DLGAP2: variants seen among roughly 807,000 people sequenced by gnomAD.
The protein encoded by DLGAP2 is DLG associated protein 2.
In DLGAP2, 26 loss-of-function variants were observed where a neutral mutation model predicts 100.3. The observed-to-expected ratio is 0.26, with a 90% CI of 0.19 to 0.36. The LOEUF is 0.36. Among genes scored for constraint, DLGAP2 ranks in the 10% least tolerant of loss-of-function variants. The probability of loss-of-function intolerance (pLI) is 1.00; values close to 1 mark genes in which losing one functional copy is unlikely to be tolerated. For synonymous variants in DLGAP2, 886 were observed against 630.1 expected, an observed-to-expected ratio of 1.41 and a Z score of -6.08; for missense variants, 1,858 against 1,453.2, an observed-to-expected ratio of 1.28 and a Z score of -4.53.
At chr8:1,319,447 T>C (rs1363788202) in intron 3 of DLGAP2, among the ~76,000 whole-genome samples, 1 of 152,204 alleles carries the variant, frequency 6.6e-6, no homozygotes, top group Non-Finnish European at 1.5e-5. Context: ...CCATCCTCTG[T>C]CTTCCAGCTC....
intron 3 of DLGAP2, among the ~76,000 whole-genome samples, chr8:1,278,932 A>G (rs1242103192): frequency 1.3e-5 from 2 of 152,228 alleles, no homozygotes; most frequent in African/African-American, 2.4e-5. Context: ...TGTTGAACCC[A>G]TGATGGTACA....
At chr8:1,160,743 G>A (rs961012100) in intron 2 of DLGAP2, among the ~76,000 whole-genome samples, 1 of 152,192 alleles carries the variant, frequency 6.6e-6, no homozygotes, top group African/African-American at 2.4e-5. Flanking sequence ...AAGCCACCCC[G>A]AGCCTGGCTC....
intron 3 of DLGAP2, among the ~76,000 whole-genome samples, chr8:1,284,358 A>C (rs536747980): frequency 6.6e-5 from 10 of 152,266 alleles, no homozygotes; most frequent in Admixed American, 6.5e-4. Flanking sequence ...GAATTGCTTC[A>C]GAGGAACCCA....
Position 1,548,618 on chromosome 8 carries a change from C to G in DLGAP2, c.173-8C>G. The G allele has an allele frequency of 1.3e-6, 2 of 1,491,390 alleles. No individual in the cohort carries two copies. Among genetic ancestry groups the G allele is most frequent in the Non-Finnish European group, 1.8e-6 (2 of 1,122,612 alleles). The allele number at this position is 1,491,390 out of a possible 1,614,324, so 92.4% of individuals were successfully genotyped here. A position where few individuals can be genotyped will look rare whatever the true frequency, so the allele number is the denominator to read the frequency against. The stretch of plus-strand genomic sequence containing the variant: ...CGGGTGTTCAATGCCGTTTCTGTTT[C>G]CCCACAGACCCGCAGTACTCATGGT... On this transcript the variant is annotated splice_polypyrimidine_tract_variant and splice_region_variant and intron_variant, in intron 4 of 14. Transcript: ENST00000637795.
chr8:1,669,288 G>T (rs1798627262), intron 9 of DLGAP2, among the ~76,000 whole-genome samples: 1 of 152,208 alleles, frequency 6.6e-6, no homozygotes, highest in Non-Finnish European at 1.5e-5. Context: ...GTCTACCCAT[G>T]ATATAGACGT....
At chr8:1,213,946 C>T (rs113349856) in intron 2 of DLGAP2, among the ~76,000 whole-genome samples, 2 of 152,144 alleles carry the variant, frequency 1.3e-5, no homozygotes, top group East Asian at 1.9e-4. Flanking sequence ...CTGAGGTTGA[C>T]GGTGTAATTT....
rs33910191 is a variant in DLGAP2 at position 1,287,131 on chromosome 8, C to CGTGTGTGTGTGTGT, written c.106+28262_106+28275dup. On this transcript the variant is annotated intron_variant, in intron 3 of 14. Transcript: ENST00000637795. ...AAGAGGGGAACTAGTTTCGGTTCAG[C>CGTGTGTGTGTGTGT]GTGTGTGTGTGTGTGTGTGTGTGTG... Among the ~76,000 whole-genome samples the CGTGTGTGTGTGTGT allele has an allele frequency of 2.5e-4, 34 of 136,992 alleles. 1 individual carries two copies. Among genetic ancestry groups the CGTGTGTGTGTGTGT allele is most frequent in the African/African-American group, 8.8e-4 (30 of 34,276 alleles). 89.9% of individuals were successfully genotyped at this position (136,992 alleles called of 152,430 possible).
At chr8:1,349,616 A>G (rs1246643504) in intron 3 of DLGAP2, among the ~76,000 whole-genome samples, 1 of 131,802 alleles carries the variant, frequency 7.6e-6, no homozygotes, top group African/African-American at 2.9e-5. Flanking sequence ...ACATCCACGC[A>G]TGTCATGAGC....
At chr8:1,227,447 G>C (rs185769244) in intron 2 of DLGAP2, among the ~76,000 whole-genome samples, 3 of 150,572 alleles carry the variant, frequency 2.0e-5, no homozygotes, top group Non-Finnish European at 2.9e-5. Context: ...GTCTTCACAT[G>C]TGAGATGAAT....
Position 1,005,580 on chromosome 8 carries a change from GC to G in DLGAP2, c.73+97615del, listed in dbSNP as rs577731057. 1.5e-4 allele frequency among the ~76,000 whole-genome samples: 15 copies of G among 97,700 alleles called. No homozygotes were observed. In the East Asian group the frequency reaches 3.4e-3, roughly 22 times the overall value. The allele number at this position is 97,700 out of a possible 152,430, so 64.1% of individuals were successfully genotyped here. ...TGTGCCACCATGCCCAGCTTGCCCAGCTAATTTTTTTTTTTTTTTGGTAGAG... is the reference window on the plus strand; with the variant it reads ...TGTGCCACCATGCCCAGCTTGCCCAGTAATTTTTTTTTTTTTTTGGTAGAG... On this transcript the variant is annotated intron_variant, in intron 2 of 14. Transcript: ENST00000637795.
At chr8:1,274,564 A>G (rs370576152) in intron 3 of DLGAP2, among the ~76,000 whole-genome samples, 176 of 146,456 alleles carry the variant, frequency 1.2e-3, no homozygotes, top group Non-Finnish European at 1.4e-3. Context: ...AACATAAACC[A>G]TAAAATGAGT....
rs144612891 is a variant in DLGAP2 at position 1,657,975 on chromosome 8, G to A, written c.1811-10354G>A. Among the ~76,000 whole-genome samples, 22 of 152,242 alleles carry A rather than the reference G, an allele frequency of 1.4e-4. No individual in the cohort carries two copies. In the East Asian group the frequency reaches 2.1e-3, roughly 15 times the overall value. The stretch of plus-strand genomic sequence containing the variant: ...GAAAAGACTTCCTTATGCTGAGGGA[G>A]CAGATCGCCCAAAAGAAAGTCTCCC... On this transcript the variant is annotated intron_variant, in intron 8 of 14. Transcript: ENST00000637795.
chr8:936,591 G>A (rs373081670), intron 2 of DLGAP2, among the ~76,000 whole-genome samples: 1 of 152,286 alleles, frequency 6.6e-6, no homozygotes, highest in East Asian at 1.9e-4. Flanking sequence ...ACACGACTGA[G>A]GCACACCAGG....
At chr8:1,073,407 G>T (rs1260815997) in intron 2 of DLGAP2, among the ~76,000 whole-genome samples, 3 of 151,862 alleles carry the variant, frequency 2.0e-5, no homozygotes, top group Non-Finnish European at 2.9e-5. Flanking sequence ...ATGATCATGG[G>T]GTTCTATGAT....
At chr8:758,012 C>T (rs1460655115) in intron 1 of DLGAP2, among the ~76,000 whole-genome samples, 1 of 152,120 alleles carries the variant, frequency 6.6e-6, no homozygotes, top group Admixed American at 6.6e-5. Flanking sequence ...ATGGCTGTGC[C>T]CTTTACTGTC....
At chr8:805,804 G>A (rs374148389) in intron 1 of DLGAP2, among the ~76,000 whole-genome samples, 31 of 152,172 alleles carry the variant, frequency 2.0e-4, no homozygotes, top group African/African-American at 5.1e-4. Flanking sequence ...GATTACATGC[G>A]TGAGCCACCG....
At chr8:1,357,791 G>T (rs1400474538) in intron 3 of DLGAP2, among the ~76,000 whole-genome samples, 10 of 152,198 alleles carry the variant, frequency 6.6e-5, no homozygotes, top group African/African-American at 2.2e-4. Flanking sequence ...GTGCCATGCA[G>T]TGCTCTTCAG....
At chr8:757,630 G>T (rs996385838) in intron 1 of DLGAP2, among the ~76,000 whole-genome samples, 10 of 152,216 alleles carry the variant, frequency 6.6e-5, no homozygotes, top group African/African-American at 2.4e-4. Flanking sequence ...AGGCTGTGTG[G>T]TCCACAGGCG....
chr8:766,747 C>G (rs965337265), intron 1 of DLGAP2, among the ~76,000 whole-genome samples: 1 of 152,168 alleles, frequency 6.6e-6, no homozygotes, highest in Non-Finnish European at 1.5e-5. Flanking sequence ...ACTAAGCTGT[C>G]CTGTCAACAC....
Sources: gnomAD v4.1 joint callset for allele counts (sites outside exome capture counted in the v4.1 genomes callset) on GRCh38, gnomAD v4.1.1 for gene constraint, MANE v1.5 for transcripts, NCBI Gene and HGNC (gene_info 2026-07-23, HGNC 2026-07-21) for gene names.